LRBA: variants seen among roughly 807,000 people sequenced by gnomAD.
LRBA encodes the protein lipopolysaccharide-responsive and beige-like anchor protein.
A neutral mutation model predicts 330.0 loss-of-function variants in LRBA; 176 were observed. The observed-to-expected ratio is 0.53, with a 90% CI of 0.47 to 0.60. LRBA has a LOEUF of 0.60. Ranked by LOEUF, LRBA falls within the 20% of genes least tolerant of loss-of-function variation. LRBA has a pLI of 0.00. For missense variants in LRBA, 3,259 were observed against 3,444.8 expected, an observed-to-expected ratio of 0.95 and a Z score of 1.35; for synonymous variants, 1,230 against 1,193.0, an observed-to-expected ratio of 1.03 and a Z score of -0.64.
At chr4:150,810,218 C>A (rs1431310368) in intron 31 of LRBA, among the ~76,000 whole-genome samples, 1 of 152,016 alleles carries the variant, frequency 6.6e-6, no homozygotes, top group Non-Finnish European at 1.5e-5. Context: ...TCTAAGGATC[C>A]AAAAATCTAG....
chr4:150,722,592 G>C (rs1014749559), intron 36 of LRBA, among the ~76,000 whole-genome samples: 3 of 151,998 alleles, frequency 2.0e-5, no homozygotes, highest in African/African-American at 7.2e-5. Context: ...GCCTCCATAA[G>C]AGAGTGTGAA....
intron 53 of LRBA, 79 bp downstream of exon 53, chr4:150,302,546 A>G (rs1024318598): frequency 9.7e-6 from 9 of 931,882 alleles, no homozygotes; most frequent in Non-Finnish European, 1.4e-5. Context: ...CTTTTACCAT[A>G]ACAAAAAGGT....
intron 2 of LRBA, among the ~76,000 whole-genome samples, chr4:150,931,040 T>C (rs1021989945): frequency 1.3e-5 from 2 of 152,258 alleles, no homozygotes; most frequent in East Asian, 1.9e-4. Context: ...ATATGTTGTT[T>C]GTAAATTTTA....
chr4:150,537,455 C>A lies in LRBA; in HGVS notation c.6331-46420G>T, dbSNP rs1019021257. On this transcript the variant is annotated intron_variant, in intron 40 of 56. Transcript: ENST00000651943. Reference sequence around the variant, plus strand: ...ACCAAGTCCTCAAAAGCAATTGCAACAGCAATGTCAACAAAAAATGACAAT... The same window carrying A: ...ACCAAGTCCTCAAAAGCAATTGCAAAAGCAATGTCAACAAAAAATGACAAT... Among the ~76,000 whole-genome samples, 7 of 152,226 alleles carry A rather than the reference C, an allele frequency of 4.6e-5. 1 individual carries two copies. The highest frequency in any genetic ancestry group is 3.4e-3 in the Middle Eastern group (1 of 294).
intron 42 of LRBA, among the ~76,000 whole-genome samples, chr4:150,485,469 A>G (rs752124827): frequency 1.3e-5 from 2 of 151,980 alleles, no homozygotes; most frequent in Non-Finnish European, 2.9e-5. Flanking sequence ...GAATGTAACA[A>G]TTTGCAGAGA....
chr4:150,935,029 AGC>A (rs1349068587), intron 2 of LRBA, among the ~76,000 whole-genome samples: 7 of 138,968 alleles, frequency 5.0e-5, no homozygotes, highest in African/African-American at 1.8e-4. Context: ...AAAAAAAATT[AGC>A]CAGGTGTGGT....
At chr4:150,576,592 A>G (rs536685326) in intron 40 of LRBA, among the ~76,000 whole-genome samples, 1 of 152,004 alleles carries the variant, frequency 6.6e-6, no homozygotes, top group Non-Finnish European at 1.5e-5. Flanking sequence ...TTAATAAAGT[A>G]CTCATTTATG....
At chr4:150,335,969 T>C (rs1350317672) in intron 48 of LRBA, among the ~76,000 whole-genome samples, 1 of 152,222 alleles carries the variant, frequency 6.6e-6, no homozygotes, top group Non-Finnish European at 1.5e-5. Context: ...GTTCTGGGAT[T>C]ACAAGCCTAA....
chr4:150,276,888 C>A (rs1402137491), intron 56 of LRBA, among the ~76,000 whole-genome samples: 1 of 152,118 alleles, frequency 6.6e-6, no homozygotes, highest in Non-Finnish European at 1.5e-5. Flanking sequence ...GGATATAGAA[C>A]CAGAAATACC....
chr4:150,325,854 T>C lies in LRBA; in HGVS notation c.7407A>G (p.Gln2469=), dbSNP rs1231116861. 2 of 1,613,502 alleles carry C rather than the reference T, an allele frequency of 1.2e-6. No homozygotes were observed. The highest frequency in any genetic ancestry group is 1.7e-5 in the Admixed American group (1 of 59,950). Residue 2469 remains glutamine (Q), a synonymous_variant, in exon 49 of 57, where the codon CAA becomes CAG. Transcript: ENST00000651943. ...TGGGAGGATGGGGCTCTATGAGTAG[T>C]TGAGAAGGAGTCTGTCCAAAACTTC... ...QIRSFGQTPS[Q]LLIEPHPPRG...
chr4:150,819,406 T>C (rs540683048), intron 30 of LRBA, among the ~76,000 whole-genome samples: 1 of 152,012 alleles, frequency 6.6e-6, no homozygotes, highest in African/African-American at 2.4e-5. Context: ...TTTCATTGTA[T>C]GTAAATTTTA....
chr4:150,603,931 C>A (rs917516148), intron 37 of LRBA, among the ~76,000 whole-genome samples: 16 of 151,854 alleles, frequency 1.1e-4, no homozygotes, highest in African/African-American at 3.9e-4. Flanking sequence ...ATTTCCTAGG[C>A]CCTTTATGGT....
At chr4:150,977,382 T>A (rs1740306267) in intron 2 of LRBA, among the ~76,000 whole-genome samples, 1 of 152,042 alleles carries the variant, frequency 6.6e-6, no homozygotes. Flanking sequence ...GCAACATATA[T>A]ACACACACGC....
chr4:150,373,463 G>A (rs1740774593), intron 47 of LRBA, among the ~76,000 whole-genome samples: 1 of 151,990 alleles, frequency 6.6e-6, no homozygotes. Context: ...CAACTTGACT[G>A]CTCTCCATAC....
At chr4:150,564,890 G>T (rs181486533) in intron 40 of LRBA, among the ~76,000 whole-genome samples, 1 of 152,272 alleles carries the variant, frequency 6.6e-6, no homozygotes, top group East Asian at 1.9e-4. Flanking sequence ...ACAGATGCTG[G>T]CGAAGCTATG....
In LRBA at chr4:150,580,011, C is replaced by T. The variant is rs1368267281; in HGVS notation, c.6330+8037G>A. ...CGCTCTCCCGGCAGCGCAGTGCCCT[C>T]CGGCCCAGGCAGTTCCCAGAGCGCC... On this transcript the variant is annotated intron_variant, in intron 40 of 56. Transcript: ENST00000651943. 4 of 267,122 alleles carry T rather than the reference C, an allele frequency of 1.5e-5. No individual in the cohort carries two copies. The East Asian group carries it at 3.7e-4, about 25-fold the overall frequency. The allele number at this position is 267,122 out of a possible 1,614,324, so 16.5% of individuals were successfully genotyped here.
chr4:150,614,711 G>A (rs1247475406), intron 37 of LRBA, among the ~76,000 whole-genome samples: 1 of 152,084 alleles, frequency 6.6e-6, no homozygotes, highest in South Asian at 2.1e-4. Flanking sequence ...GATGAAAAAA[G>A]AACATAGGAA....
At chr4:150,883,440 A>C (rs1393489697) in intron 17 of LRBA, among the ~76,000 whole-genome samples, 2 of 152,194 alleles carry the variant, frequency 1.3e-5, no homozygotes, top group Non-Finnish European at 2.9e-5. Context: ...AGCCTGGGCG[A>C]CAGAGTGAGA....
At chr4:151,015,295 G>C (rs940736192), upstream of LRBA, 3 of 152,828 alleles carry the variant, frequency 2.0e-5, no homozygotes, top group Admixed American at 6.5e-5. Context: ...GGGGGAAGGG[G>C]GCGGTGATTA....
Sources: allele counts gnomAD v4.1 joint callset (sites outside exome capture counted in the v4.1 genomes callset), GRCh38; gene constraint gnomAD v4.1.1; transcripts MANE v1.5; gene names NCBI Gene and HGNC (gene_info 2026-07-23, HGNC 2026-07-21).